Variants in SPAG16 observed in about 807,000 individuals in gnomAD.
The protein encoded by SPAG16 is sperm associated antigen 16.
In SPAG16, 86 loss-of-function variants were observed where a neutral mutation model predicts 80.4. That is an observed-to-expected ratio of 1.07 (90% CI 0.90 to 1.28). The LOEUF (loss-of-function observed/expected upper bound fraction) is 1.28. Ranked by LOEUF, SPAG16 falls within the 50% of genes most tolerant of loss-of-function variation. The pLI is 0.00. For synonymous variants in SPAG16, 294 were observed against 265.9 expected, an observed-to-expected ratio of 1.11 and a Z score of -1.03; for missense variants, 870 against 765.3, an observed-to-expected ratio of 1.14 and a Z score of -1.61.
chr2:213,940,593 G>A (rs866837934), intron 12 of SPAG16, among the ~76,000 whole-genome samples: 2 of 151,990 alleles, frequency 1.3e-5, no homozygotes, highest in African/African-American at 4.8e-5. Context: ...CCTGCTTCTG[G>A]CCACAAATCA....
intron 10 of SPAG16, among the ~76,000 whole-genome samples, chr2:213,702,843 A>G (rs985957606): frequency 2.6e-5 from 4 of 152,200 alleles, no homozygotes; most frequent in Admixed American, 2.6e-4. Context: ...GGAAAACAAC[A>G]AGCTGCTAAT....
At chr2:214,129,087 C>A (rs2054631441) in intron 14 of SPAG16, among the ~76,000 whole-genome samples, 1 of 150,286 alleles carries the variant, frequency 6.7e-6, no homozygotes, top group Non-Finnish European at 1.5e-5. Flanking sequence ...AAGTAATTTC[C>A]TCACAGTCAT....
intron 10 of SPAG16, among the ~76,000 whole-genome samples, chr2:213,709,594 G>T (rs1217457790): frequency 2.0e-5 from 3 of 149,708 alleles, no homozygotes; most frequent in East Asian, 4.1e-4. Flanking sequence ...TACTAGGAGG[G>T]AAAAAATAAA....
chr2:214,013,060 C>T (rs1191385436), intron 12 of SPAG16, among the ~76,000 whole-genome samples: 2 of 152,112 alleles, frequency 1.3e-5, no homozygotes, highest in Admixed American at 6.5e-5. Flanking sequence ...TTTAAATTCT[C>T]AGCCCTAAAG....
intron 13 of SPAG16, among the ~76,000 whole-genome samples, chr2:214,025,478 G>T (rs1247468110): frequency 4.6e-5 from 7 of 151,588 alleles, no homozygotes; most frequent in African/African-American, 1.5e-4. Context: ...CTTCAATAGT[G>T]ATGGCTTGGC....
chr2:213,631,736 A>G (rs1179557810), intron 10 of SPAG16, among the ~76,000 whole-genome samples: 1 of 152,142 alleles, frequency 6.6e-6, no homozygotes, highest in East Asian at 1.9e-4. Context: ...TTTATTGAGG[A>G]GACTTTCTTT....
chr2:214,051,707 G>C (rs1413377453), intron 13 of SPAG16, among the ~76,000 whole-genome samples: 1 of 152,172 alleles, frequency 6.6e-6, no homozygotes, highest in African/African-American at 2.4e-5. Context: ...GATAGATGCA[G>C]TTTAACAGAG....
chr2:213,627,387 T>A (rs1413980887), intron 10 of SPAG16, among the ~76,000 whole-genome samples: 1 of 152,236 alleles, frequency 6.6e-6, no homozygotes, highest in African/African-American at 2.4e-5. Context: ...TAAACTACAG[T>A]GTAACACATA....
intron 10 of SPAG16, among the ~76,000 whole-genome samples, chr2:213,715,912 G>A (rs2125375863): frequency 6.6e-6 from 1 of 152,008 alleles, no homozygotes; most frequent in East Asian, 1.9e-4. Flanking sequence ...CCATGGGTCA[G>A]ATAATTAGTT....
intron 10 of SPAG16, among the ~76,000 whole-genome samples, chr2:213,762,445 A>G (rs1303983747): frequency 6.6e-6 from 1 of 152,226 alleles, no homozygotes; most frequent in African/African-American, 2.4e-5. Context: ...AGACAGCTAT[A>G]TAAACCAATG....
rs1467190770 is a variant in SPAG16 at position 213,859,212 on chromosome 2, AAAAAC to A, written c.1071-3272_1071-3268del. ...AAAAAAAAAAAAAAAAAAAAAAAAA[AAAAAC>A]TCAATGTCCTCTGACAACTTGATGT... is the stretch of plus-strand genomic sequence containing the variant. On this transcript the variant is annotated intron_variant, in intron 10 of 15. Coordinates refer to ENST00000331683, the MANE Select transcript of SPAG16 (RefSeq NM_024532.5). 8.2e-4 allele frequency among the ~76,000 whole-genome samples: 92 copies of A among 111,536 alleles called. 13 individuals are homozygous for A. The highest frequency in any genetic ancestry group is 2.7e-3 in the East Asian group (11 of 4,026). The allele number at this position is 111,536 out of a possible 152,430, so 73.2% of individuals were successfully genotyped here.
At chr2:213,293,496 T>C (rs1410404863) in intron 1 of SPAG16, among the ~76,000 whole-genome samples, 2 of 152,192 alleles carry the variant, frequency 1.3e-5, no homozygotes. Context: ...CTTGGACTGC[T>C]TATTCTGGGG....
Position 213,409,702 on chromosome 2 carries a change from C to G in SPAG16, c.942+34583C>G, listed in dbSNP as rs940153864. Reference sequence around the variant, plus strand: ...ACACTAATATAAAGGTGAAATTTAGCTCATCGGGTATAAAAATCATACAAG... The same window carrying G: ...ACACTAATATAAAGGTGAAATTTAGGTCATCGGGTATAAAAATCATACAAG... On this transcript the variant is annotated intron_variant, in intron 9 of 15. Coordinates refer to ENST00000331683, the MANE Select transcript of SPAG16 (RefSeq NM_024532.5). Among the ~76,000 whole-genome samples the G allele has an allele frequency of 2.6e-5, 4 of 152,030 alleles. No individual in the cohort carries two copies. In the East Asian group the frequency reaches 5.8e-4, roughly 22 times the overall value.
At chr2:214,146,484 A>G (rs934913703) in intron 14 of SPAG16, among the ~76,000 whole-genome samples, 2 of 152,156 alleles carry the variant, frequency 1.3e-5, no homozygotes, top group Non-Finnish European at 2.9e-5. Context: ...ACTGCTTTGG[A>G]AGGACTTGGA....
At chr2:213,973,236 T>C (rs1002816752) in intron 12 of SPAG16, among the ~76,000 whole-genome samples, 1 of 152,160 alleles carries the variant, frequency 6.6e-6, no homozygotes, top group African/African-American at 2.4e-5. Context: ...GTGTTCTCAT[T>C]TCCCAAAGAA....
intron 15 of SPAG16, among the ~76,000 whole-genome samples, chr2:214,379,281 A>T: frequency 6.6e-6 from 1 of 152,230 alleles, no homozygotes; most frequent in Non-Finnish European, 1.5e-5. Flanking sequence ...AAAGAGACAG[A>T]TGGGAAATTA....
intron 10 of SPAG16, among the ~76,000 whole-genome samples, chr2:213,632,189 T>A (rs2125085771): frequency 6.6e-6 from 1 of 152,246 alleles, no homozygotes; most frequent in Admixed American, 6.5e-5. Context: ...ATTATAGGGA[T>A]CTTTTACTTC....
chr2:213,680,389 CTGTGT>C (rs1368897349), intron 10 of SPAG16, among the ~76,000 whole-genome samples: 1 of 151,328 alleles, frequency 6.6e-6, no homozygotes, highest in Admixed American at 6.6e-5. Context: ...AAAATGACTC[CTGTGT>C]TGTCTTTACT....
rs185804708 is a variant in SPAG16 at position 214,015,757 on chromosome 2, C to T, written c.1527+1680C>T. Among the ~76,000 whole-genome samples the T allele has an allele frequency of 1.7e-3, 265 of 152,150 alleles. 1 individual carries two copies. Among genetic ancestry groups the T allele is most frequent in the Non-Finnish European group, 2.8e-3 (189 of 68,004 alleles). The stretch of plus-strand genomic sequence containing the variant: ...TCAGTTTTCAAGGTTACTCTGGGGT[C>T]CTGTTGGCTAAGAGATGTTCCATTC... On this transcript the variant is annotated intron_variant, in intron 13 of 15. Transcript: ENST00000331683.
Sources: allele counts gnomAD v4.1 joint callset (sites outside exome capture counted in the v4.1 genomes callset), GRCh38; gene constraint gnomAD v4.1.1; transcripts MANE v1.5; gene names NCBI Gene and HGNC (gene_info 2026-07-23, HGNC 2026-07-21).